Variants in CD38 observed in about 807,000 individuals in gnomAD.
The protein encoded by CD38 is ADP-ribosyl cyclase/cyclic ADP-ribose hydrolase 1.
Under a neutral mutation model 36.3 loss-of-function variants are expected in CD38, and 31 were observed. That is an observed-to-expected ratio of 0.85 (90% CI 0.64 to 1.15). The LOEUF is 1.15. CD38 is among the 50% of genes most tolerant of loss of function. The pLI is 0.00. For missense variants in CD38, 380 were observed against 371.9 expected (o/e 1.02, Z -0.18); for synonymous variants, 131 against 135.2 (o/e 0.97, Z 0.22).
In CD38 at chr4:15,841,584, G is replaced by A. The variant is rs375617313; in HGVS notation, c.839+1046G>A. 1.0e-3 allele frequency among the ~76,000 whole-genome samples: 154 copies of A among 151,836 alleles called. 2 individuals are homozygous for A. In the East Asian group the frequency reaches 0.023, roughly 22 times the overall value. ...AAGATGGCCGAATAGGAACAGCTCC[G>A]GTCTACAGCTCCCAGCGTGAGCGAC... is the stretch of plus-strand genomic sequence containing the variant. On this transcript the variant is annotated intron_variant, in intron 7 of 7. Transcript: ENST00000226279.
intron 1 of CD38, among the ~76,000 whole-genome samples, chr4:15,799,506 T>C (rs1723172046): frequency 6.6e-6 from 1 of 152,242 alleles, no homozygotes; most frequent in Non-Finnish European, 1.5e-5. Flanking sequence ...TTTACTCTTT[T>C]GTGTCTGAGT....
intron 3 of CD38, among the ~76,000 whole-genome samples, chr4:15,833,763 C>A (rs1334588587): frequency 6.6e-6 from 1 of 152,148 alleles, no homozygotes. Context: ...TTGATGAGGG[C>A]AAGTGTAGGA....
At chr4:15,840,427 TA>T (rs1174996657) in intron 6 of CD38, 24 bp from the exon 7 acceptor site, 1 of 1,453,764 alleles carries the variant, frequency 6.9e-7, no homozygotes, top group Non-Finnish European at 9.6e-7. Flanking sequence ...CTTGTAATTT[TA>T]ATACTTTCTT....
rs1724334111 is a variant in CD38, at chr4:15,849,171, G to T, written c.*569G>T. 6.6e-6 allele frequency: 1 copy of T among 152,152 alleles called. No homozygotes were observed. Among genetic ancestry groups the T allele is most frequent in the African/African-American group, 2.4e-5 (1 of 41,418 alleles). The allele number at this position is 152,152 out of a possible 1,614,324, so 9.4% of individuals were successfully genotyped here. A position where few individuals can be genotyped will look rare whatever the true frequency, so the allele number is the denominator to read the frequency against. ...CCCTTCCAACAGTGCTGTGAGGTTG[G>T]TATTATTTCATTTTTTAGATGAGAA... On this transcript the variant is annotated 3_prime_UTR_variant, in exon 8 of 8. Coordinates refer to ENST00000226279, the MANE Select transcript of CD38 (RefSeq NM_001775.4).
intron 1 of CD38, among the ~76,000 whole-genome samples, chr4:15,789,552 T>A (rs990062788): frequency 6.6e-6 from 1 of 152,140 alleles, no homozygotes; most frequent in East Asian, 1.9e-4. Context: ...TGCACATTTG[T>A]CCCCTCCAAA....
chr4:15,784,156 C>T (rs1014176316), intron 1 of CD38, among the ~76,000 whole-genome samples: 54 of 152,116 alleles, frequency 3.5e-4, no homozygotes, highest in African/African-American at 1.1e-3. Context: ...GTTAGTGCTG[C>T]GCTAGATTCT....
intron 2 of CD38, among the ~76,000 whole-genome samples, chr4:15,818,628 C>T (rs548812178): frequency 1.8e-4 from 28 of 152,270 alleles, no homozygotes; most frequent in East Asian, 3.9e-4. Flanking sequence ...GGCCGGTGCC[C>T]CTCTGGAATG....
chr4:15,793,607 T>G (rs1366578045), intron 1 of CD38, among the ~76,000 whole-genome samples: 2 of 152,208 alleles, frequency 1.3e-5, no homozygotes, highest in African/African-American at 4.8e-5. Context: ...CAAAATACTA[T>G]GTACCAGTGT....
intron 2 of CD38, among the ~76,000 whole-genome samples, chr4:15,820,070 C>T (rs1282353675): frequency 6.6e-6 from 1 of 152,146 alleles, no homozygotes; most frequent in African/African-American, 2.4e-5. Flanking sequence ...AATTTCCAAC[C>T]TTGAATTTCA....
At chr4:15,831,359 T>C (rs535319268) in intron 3 of CD38, among the ~76,000 whole-genome samples, 2 of 152,312 alleles carry the variant, frequency 1.3e-5, no homozygotes, top group South Asian at 4.1e-4. Context: ...TCTGTGTACT[T>C]ACTACTGCCA....
intron 2 of CD38, among the ~76,000 whole-genome samples, chr4:15,820,368 T>A (rs1723705604): frequency 6.6e-6 from 1 of 152,176 alleles, no homozygotes; most frequent in Admixed American, 6.5e-5. Flanking sequence ...GTAAATGGGC[T>A]AAATGTCCCA....
At chr4:15,806,890 G>A (rs1228838103) in intron 1 of CD38, among the ~76,000 whole-genome samples, 2 of 152,160 alleles carry the variant, frequency 1.3e-5, no homozygotes, top group African/African-American at 4.8e-5. Context: ...TTCATCAGTG[G>A]GTTAGTTGTC....
intron 2 of CD38, among the ~76,000 whole-genome samples, chr4:15,818,341 G>A (rs1030555655): frequency 6.6e-6 from 1 of 152,094 alleles, no homozygotes; most frequent in Non-Finnish European, 1.5e-5. Flanking sequence ...CCCAGTCAGG[G>A]GCTTACAGAC....
Position 15,838,152 on chromosome 4 carries a change from T to C in CD38, c.646T>C (p.Phe216Leu). ...VMLNGSRSKI[F>L]DKNSTFGSVE... Reference sequence around the variant, plus strand: ...GCTCAATGGATCCCGCAGTAAAATCTTTGACAAAAACAGGTACACATTTAT... The same window carrying C: ...GCTCAATGGATCCCGCAGTAAAATCCTTGACAAAAACAGGTACACATTTAT... The change falls in exon 5 of 8, where the codon TTT becomes CTT. Residue 216 changes from phenylalanine to leucine, a missense_variant. By Grantham distance (22) the Phe-to-Leu change is conservative. Coordinates refer to ENST00000226279, the MANE Select transcript of CD38 (RefSeq NM_001775.4). 6.2e-7 allele frequency: 1 copy of C among 1,613,004 alleles called. No homozygotes were observed. Among genetic ancestry groups the C allele is most frequent in the Middle Eastern group, 1.7e-4 (1 of 6,056 alleles).
chr4:15,793,796 A>C (rs1275520602), intron 1 of CD38, among the ~76,000 whole-genome samples: 1 of 152,234 alleles, frequency 6.6e-6, no homozygotes, highest in Non-Finnish European at 1.5e-5. Context: ...ATGTTTTGAA[A>C]GTAGGTTCCA....
intron 1 of CD38, among the ~76,000 whole-genome samples, chr4:15,794,459 C>T (rs866800893): frequency 2.6e-4 from 40 of 151,948 alleles, no homozygotes; most frequent in African/African-American, 9.2e-4. Flanking sequence ...AAATCAACAG[C>T]GTATACAGAC....
intron 1 of CD38, among the ~76,000 whole-genome samples, chr4:15,809,791 A>G (rs1247232409): frequency 6.6e-6 from 1 of 152,180 alleles, no homozygotes; most frequent in East Asian, 1.9e-4. Flanking sequence ...TTTGAAAAAA[A>G]TATTATTGAA....
intron 2 of CD38, among the ~76,000 whole-genome samples, chr4:15,817,940 C>CA (rs1310747695): frequency 6.6e-6 from 1 of 152,128 alleles, no homozygotes; most frequent in Non-Finnish European, 1.5e-5. Flanking sequence ...TTTGGGCAGA[C>CA]ACCAAGCTAG....
chr4:15,797,832 G>A (rs1229577751), intron 1 of CD38, among the ~76,000 whole-genome samples: 3 of 151,980 alleles, frequency 2.0e-5, no homozygotes. Context: ...CTTTTCATAA[G>A]GACCCAGTCG....
Sources: gnomAD v4.1 joint callset for allele counts (sites outside exome capture counted in the v4.1 genomes callset) on GRCh38, gnomAD v4.1.1 for gene constraint, MANE v1.5 for transcripts, NCBI Gene and HGNC (gene_info 2026-07-23, HGNC 2026-07-21) for gene names.